ESRRB: variants seen among roughly 807,000 people sequenced by gnomAD.
ESRRB encodes the protein steroid hormone receptor ERR2.
In ESRRB, 16 loss-of-function variants were observed where a neutral mutation model predicts 46.0. That is an observed-to-expected ratio of 0.35 (90% CI 0.24 to 0.53). The LOEUF is 0.53. Among genes scored for constraint, ESRRB ranks in the 20% least tolerant of loss-of-function variants. The pLI, the probability that ESRRB is intolerant of heterozygous loss-of-function variation, is 0.93. For synonymous variants in ESRRB, 246 were observed against 259.6 expected (o/e 0.95, Z 0.50); for missense variants, 488 against 607.4 (o/e 0.80, Z 2.07).
At chr14:76,339,695 G>C (rs1351854383) in intron 1 of ESRRB, among the ~76,000 whole-genome samples, 1 of 152,180 alleles carries the variant, frequency 6.6e-6, no homozygotes, top group Non-Finnish European at 1.5e-5. Flanking sequence ...TGGCCTCCTG[G>C]AGCCGACCCA....
intron 1 of ESRRB, among the ~76,000 whole-genome samples, chr14:76,345,243 A>G (rs1278457823): frequency 6.6e-6 from 1 of 152,258 alleles, no homozygotes; most frequent in Non-Finnish European, 1.5e-5. Flanking sequence ...CAGTCAGCAG[A>G]GTAAACAGAC....
At chr14:76,341,490 C>T (rs561599423) in intron 1 of ESRRB, among the ~76,000 whole-genome samples, 160 of 152,336 alleles carry the variant, frequency 1.1e-3, no homozygotes, top group African/African-American at 3.6e-3. Context: ...CCAGGCCCTG[C>T]GGGCTGACAT....
Position 76,357,775 on chromosome 14 carries a change from C to A in ESRRB, c.2+46859C>A, listed in dbSNP as rs182423950. On this transcript the variant is annotated intron_variant, in intron 1 of 6. Coordinates refer to the ESRRB transcript ENST00000512784. ...AGGTGATCCTCTCACCTTGGCCTCC[C>A]GAGTAGCTGGGATTACAGGTATGAG... Among the ~76,000 whole-genome samples the A allele has an allele frequency of 3.3e-5, 5 of 152,218 alleles. No individual in the cohort carries two copies. The East Asian group carries it at 9.7e-4, about 29-fold the overall frequency.
At chr14:76,410,866 C>T (rs1345359626) in intron 1 of ESRRB, among the ~76,000 whole-genome samples, 1 of 152,010 alleles carries the variant, frequency 6.6e-6, no homozygotes, top group Non-Finnish European at 1.5e-5. Context: ...TCACTGCAAC[C>T]TCCCCCTTCT....
intron 1 of ESRRB, among the ~76,000 whole-genome samples, chr14:76,409,444 G>T (rs1449391044): frequency 6.6e-6 from 1 of 152,108 alleles, no homozygotes; most frequent in Non-Finnish European, 1.5e-5. Context: ...CTCTCTTTGA[G>T]GGGAAGGATG....
At chr14:76,425,702 C>T (rs1323207820) in intron 1 of ESRRB, among the ~76,000 whole-genome samples, 2 of 152,110 alleles carry the variant, frequency 1.3e-5, no homozygotes, top group Admixed American at 1.3e-4. Context: ...CTGTGTCCTC[C>T]CTGCTGGTTT....
At chr14:76,495,049 C>A (rs1021110288) in intron 6 of ESRRB, among the ~76,000 whole-genome samples, 1 of 151,742 alleles carries the variant, frequency 6.6e-6, no homozygotes, top group South Asian at 2.1e-4. Flanking sequence ...TGTATACATA[C>A]AAACACATGC....
At chr14:76,407,449 C>G (rs1033093445) in intron 1 of ESRRB, 2 of 761,072 alleles carry the variant, frequency 2.6e-6, no homozygotes, top group Non-Finnish European at 3.2e-6. Context: ...GCAGAGCCAC[C>G]AGGCTAAATC....
intron 6 of ESRRB, among the ~76,000 whole-genome samples, chr14:76,491,918 A>AT (rs1295859258): frequency 1.3e-5 from 2 of 152,234 alleles, no homozygotes; most frequent in Non-Finnish European, 2.9e-5. Flanking sequence ...CTGGCTGAGC[A>AT]TTTCCTAAGC....
At chr14:76,349,309 G>A (rs544606165) in intron 1 of ESRRB, among the ~76,000 whole-genome samples, 3 of 152,316 alleles carry the variant, frequency 2.0e-5, no homozygotes, top group South Asian at 2.1e-4. Context: ...CGGGGATCAC[G>A]AAAGGAGGCA....
At chr14:76,399,942 G>A (rs914419533) in intron 1 of ESRRB, among the ~76,000 whole-genome samples, 9 of 152,196 alleles carry the variant, frequency 5.9e-5, no homozygotes, top group Non-Finnish European at 8.8e-5. Context: ...AATTGTGGCC[G>A]TCTCAGGTCA....
upstream of ESRRB, among the ~76,000 whole-genome samples, chr14:76,372,165 G>A (rs1045474056): frequency 6.6e-6 from 1 of 152,156 alleles, no homozygotes; most frequent in East Asian, 1.9e-4. Flanking sequence ...AGGCAGGCTG[G>A]GGTGGGAAAG....
At position 76,482,860 on chromosome 14, in the gene ESRRB, C is replaced by G; in HGVS notation, c.850+101C>G. The stretch of plus-strand genomic sequence containing the variant: ...GCTTCTGATGCCCGGATCCTGGACC[C>G]CAGAAGGCCTGTGAAATCCTGGCAG... On this transcript the variant is annotated intron_variant, in intron 5 of 6. Coordinates refer to ENST00000644823, the MANE Select transcript of ESRRB (RefSeq NM_001379180.1). This position sits in a 1 kb window ranked among gnomAD's most constrained non-coding sequence, Gnocchi z 4.3. 7.0e-7 allele frequency: 1 copy of G among 1,422,024 alleles called. No individual in the cohort carries two copies. The highest frequency in any genetic ancestry group is 1.4e-5 in the African/African-American group (1 of 71,502). The allele number at this position is 1,422,024 out of a possible 1,614,324, so 88.1% of individuals were successfully genotyped here. A position where few individuals can be genotyped will look rare whatever the true frequency, so the allele number is the denominator to read the frequency against.
chr14:76,405,373 A>T (rs1886138241), intron 1 of ESRRB, among the ~76,000 whole-genome samples: 1 of 152,026 alleles, frequency 6.6e-6, no homozygotes, highest in Admixed American at 6.5e-5. Context: ...CGGCCTCCCA[A>T]ACTGCTGGGG....
intron 1 of ESRRB, among the ~76,000 whole-genome samples, chr14:76,352,191 T>C (rs1317457043): frequency 6.6e-6 from 1 of 152,124 alleles, no homozygotes; most frequent in Non-Finnish European, 1.5e-5. Flanking sequence ...CCGCCTGACT[T>C]TTTTCGTGTG....
intron 1 of ESRRB, among the ~76,000 whole-genome samples, chr14:76,311,810 C>T (rs1883738418): frequency 6.6e-6 from 1 of 152,144 alleles, no homozygotes; most frequent in Non-Finnish European, 1.5e-5. Context: ...CTAGATGGGG[C>T]CTTCCCGGCC....
intron 1 of ESRRB, among the ~76,000 whole-genome samples, chr14:76,421,315 A>C (rs1886943575): frequency 6.6e-6 from 1 of 152,160 alleles, no homozygotes; most frequent in South Asian, 2.1e-4. Flanking sequence ...TTCCATGTGC[A>C]TGGAAGGTGT....
intron 1 of ESRRB, among the ~76,000 whole-genome samples, chr14:76,408,256 C>T (rs1456884140): frequency 2.0e-5 from 3 of 152,104 alleles, no homozygotes; most frequent in African/African-American, 7.2e-5. Flanking sequence ...AAAGGAGTTC[C>T]CATCTGTCCT....
chr14:76,403,612 C>A (rs1886035099), intron 1 of ESRRB, among the ~76,000 whole-genome samples: 1 of 152,094 alleles, frequency 6.6e-6, no homozygotes, highest in Admixed American at 6.6e-5. Context: ...GACAGAGAGA[C>A]CCTGCTCAGC....
Sources: gnomAD v4.1 joint callset for allele counts (sites outside exome capture counted in the v4.1 genomes callset) on GRCh38, gnomAD v4.1.1 for gene constraint, Gnocchi (gnomAD v3.1) non-coding constraint, MANE v1.5 for transcripts, NCBI Gene and HGNC (gene_info 2026-07-23, HGNC 2026-07-21) for gene names.